The following LRFN2 variants were observed in gnomAD, a reference collection of about 807,000 sequenced individuals.
LRFN2 encodes leucine rich repeat and fibronectin type III domain containing 2.
LRFN2 carries 18 observed loss-of-function variants against 37.3 expected under a neutral mutation model. That is an observed-to-expected ratio of 0.48 (90% CI 0.33 to 0.72). LRFN2 has a LOEUF of 0.72. Ranked by LOEUF, LRFN2 falls within the 30% of genes least tolerant of loss-of-function variation. The pLI, the probability that LRFN2 is intolerant of heterozygous loss-of-function variation, is 0.02. For missense variants in LRFN2, 1,006 were observed against 1,060.7 expected (o/e 0.95, Z 0.72); for synonymous variants, 556 against 466.6 (o/e 1.19, Z -2.47).
At chr6:40,536,102 A>G (rs1217589023) in intron 1 of LRFN2, among the ~76,000 whole-genome samples, 4 of 152,104 alleles carry the variant, frequency 2.6e-5, no homozygotes, top group African/African-American at 4.8e-5. Context: ...CTTCAAGCAG[A>G]GGCAGAGCAG....
chr6:40,403,566 T>G (rs1314021965), intron 2 of LRFN2, among the ~76,000 whole-genome samples: 1 of 152,172 alleles, frequency 6.6e-6, no homozygotes, highest in Non-Finnish European at 1.5e-5. Flanking sequence ...GGGGCCACTT[T>G]CCTTTCAATA....
intron 1 of LRFN2, among the ~76,000 whole-genome samples, chr6:40,499,917 T>C (rs1325972546): frequency 6.6e-6 from 1 of 152,222 alleles, no homozygotes; most frequent in African/African-American, 2.4e-5. Flanking sequence ...CAGCAGCACC[T>C]ACCTCACAAG....
At chr6:40,584,779 G>A (rs56805581) in intron 1 of LRFN2, among the ~76,000 whole-genome samples, 2,128 of 152,042 alleles carry the variant, frequency 0.014, 59 homozygotes, top group African/African-American at 0.049. Context: ...AGGCTGAAGA[G>A]GCTTGGCAAA....
intron 1 of LRFN2, among the ~76,000 whole-genome samples, chr6:40,479,703 G>A (rs939766020): frequency 7.2e-5 from 11 of 152,168 alleles, no homozygotes; most frequent in Admixed American, 6.5e-4. Flanking sequence ...AGCCAAGTTC[G>A]TGGCAGGACT....
intron 1 of LRFN2, among the ~76,000 whole-genome samples, chr6:40,550,051 TA>T (rs1455086823): frequency 6.6e-6 from 1 of 151,882 alleles, no homozygotes; most frequent in Non-Finnish European, 1.5e-5. Context: ...AAAATAAAAA[TA>T]AAAATAAATA....
chr6:40,432,170 T>A lies in LRFN2; in HGVS notation c.944A>T (p.Asp315Val), dbSNP rs766668550. Residue 315 changes from aspartate (D) to valine (V), a missense_variant, in exon 2 of 3, where the codon GAC becomes GTC. Transcript: ENST00000338305. ...TACCCAGTGGATAAGGGGGCTGGGG[T>A]CCCCAATGGCTTTGCACTTGAGTGT... ...AATLKCKAIG[D>V]PSPLIHWVAP... 2 of 1,613,586 alleles carry A rather than the reference T, an allele frequency of 1.2e-6. No individual in the cohort carries two copies. Among genetic ancestry groups the A allele is most frequent in the East Asian group, 4.5e-5 (2 of 44,850 alleles).
chr6:40,467,176 GAT>G (rs1373917772), intron 1 of LRFN2, among the ~76,000 whole-genome samples: 3 of 150,654 alleles, frequency 2.0e-5, no homozygotes, highest in African/African-American at 7.4e-5. Flanking sequence ...AGATGATGAT[GAT>G]GATGATGATG....
At chr6:40,413,213 T>G (rs1448607482) in intron 2 of LRFN2, among the ~76,000 whole-genome samples, 1 of 152,226 alleles carries the variant, frequency 6.6e-6, no homozygotes, top group Non-Finnish European at 1.5e-5. Context: ...GCAGCTCTGA[T>G]GAGATAAATA....
intron 1 of LRFN2, among the ~76,000 whole-genome samples, chr6:40,584,561 T>C (rs1013876652): frequency 6.6e-6 from 1 of 152,190 alleles, no homozygotes; most frequent in African/African-American, 2.4e-5. Context: ...TTGCTATATG[T>C]CTCTGCTTCC....
intron 1 of LRFN2, among the ~76,000 whole-genome samples, chr6:40,434,198 A>G (rs1258304140): frequency 6.6e-6 from 1 of 152,256 alleles, no homozygotes; most frequent in Non-Finnish European, 1.5e-5. Flanking sequence ...CTGCATGCCC[A>G]AAGCCTAAAG....
chr6:40,580,187 C>A (rs376314838), intron 1 of LRFN2, among the ~76,000 whole-genome samples: 1 of 152,290 alleles, frequency 6.6e-6, no homozygotes, highest in African/African-American at 2.4e-5. Context: ...TCTCCCACAC[C>A]CTATTTTGGT....
intron 1 of LRFN2, among the ~76,000 whole-genome samples, chr6:40,494,111 C>G (rs1384069753): frequency 6.6e-6 from 1 of 152,212 alleles, no homozygotes; most frequent in Non-Finnish European, 1.5e-5. Flanking sequence ...TAGGGAAAAA[C>G]AACACAAGAT....
At position 40,398,908 on chromosome 6, in the gene LRFN2, A is replaced by C. The variant is rs142867437; in HGVS notation, c.1401-5996T>G. On this transcript the variant is annotated intron_variant, in intron 2 of 2. Coordinates refer to ENST00000338305, the MANE Select transcript of LRFN2 (RefSeq NM_020737.3). ...GAGGTCTATGAAATCACAGGCACAT[A>C]CTGTTATTCTACTGTGGGCTCTCGA... Among the ~76,000 whole-genome samples, 394 of 151,922 alleles carry C rather than the reference A, an allele frequency of 2.6e-3. 11 individuals carry two copies. Among genetic ancestry groups the C allele is most frequent in the Non-Finnish European group, 4.4e-3 (297 of 67,898 alleles).
intron 2 of LRFN2, among the ~76,000 whole-genome samples, chr6:40,397,261 C>G (rs75619752): frequency 0.027 from 4,049 of 152,306 alleles, 107 homozygotes; most frequent in African/African-American, 0.065. Context: ...CACTCCTGCT[C>G]ACAACCCATC....
intron 1 of LRFN2, among the ~76,000 whole-genome samples, chr6:40,513,962 C>T (rs1032681119): frequency 1.3e-5 from 2 of 151,532 alleles, no homozygotes; most frequent in Non-Finnish European, 2.9e-5. Context: ...GGGGGCCTGG[C>T]CAGAGAGGAC....
chr6:40,525,645 C>G (rs554799541), intron 1 of LRFN2, among the ~76,000 whole-genome samples: 2 of 152,228 alleles, frequency 1.3e-5, no homozygotes, highest in East Asian at 3.9e-4. Context: ...TGCTCCGAGC[C>G]CACCCTTTGC....
rs1763548841 is a variant in LRFN2 at position 40,433,003 on chromosome 6, C to G, written c.111G>C (p.Leu37=). ...CAAAGAGCAGCCCCTTGGAGGGGCA[C>G]AGGGTCCCCAGTGACTCAGACAGAT... ...CQNLSESLGT[L]CPSKGLLFVP... Residue 37 remains leucine (L), a synonymous_variant, in exon 2 of 3, where the codon CTG becomes CTC. Coordinates refer to ENST00000338305, the MANE Select transcript of LRFN2 (RefSeq NM_020737.3). The G allele has an allele frequency of 1.2e-6, 2 of 1,608,768 alleles. No homozygotes were observed. Among genetic ancestry groups the G allele is most frequent in the Non-Finnish European group, 1.7e-6 (2 of 1,177,042 alleles).
rs67639435 is a variant in LRFN2 at position 40,548,440 on chromosome 6, C to CAAAAAAAAAAAAAAAAAAAAAAA, written c.-19+38500_-19+38501insTTTTTTTTTTTTTTTTTTTTTTT. ...TGGGTGACACAACGAGACTCCATCT[C>CAAAAAAAAAAAAAAAAAAAAAAA]AAAAAAAAAATGAAAAAAGAAAAAT... On this transcript the variant is annotated intron_variant, in intron 1 of 2. Coordinates refer to ENST00000338305, the MANE Select transcript of LRFN2 (RefSeq NM_020737.3). Among the ~76,000 whole-genome samples the CAAAAAAAAAAAAAAAAAAAAAAA allele has an allele frequency of 6.6e-3, 935 of 142,442 alleles. 25 individuals are homozygous for CAAAAAAAAAAAAAAAAAAAAAAA. The highest frequency in any genetic ancestry group is 0.011 in the Non-Finnish European group (699 of 64,282). The allele number at this position is 142,442 out of a possible 152,430, so 93.4% of individuals were successfully genotyped here.
chr6:40,420,733 C>T (rs1355402900), intron 2 of LRFN2, among the ~76,000 whole-genome samples: 1 of 152,240 alleles, frequency 6.6e-6, no homozygotes, highest in Non-Finnish European at 1.5e-5. Flanking sequence ...AATAAGCTAG[C>T]AGCAAAAGTC....
Sources: allele counts gnomAD v4.1 joint callset (sites outside exome capture counted in the v4.1 genomes callset), GRCh38; gene constraint gnomAD v4.1.1; transcripts MANE v1.5; gene names NCBI Gene and HGNC (gene_info 2026-07-23, HGNC 2026-07-21).